The following CNTN4 variants were observed in gnomAD, a reference collection of about 807,000 sequenced individuals.
CNTN4 encodes contactin 4.
Under a neutral mutation model 122.5 loss-of-function variants are expected in CNTN4, and 77 were observed. The ratio of observed to expected loss-of-function variants is 0.63; its 90% CI spans 0.52 to 0.76. The LOEUF is 0.76. Among genes scored for constraint, CNTN4 ranks in the 30% least tolerant of loss-of-function variants. The probability of loss-of-function intolerance (pLI) is 0.00; values close to 1 mark genes in which losing one functional copy is unlikely to be tolerated. For missense variants in CNTN4, 1,256 were observed against 1,259.1 expected (o/e 1.00, Z 0.04); for synonymous variants, 512 against 447.0 (o/e 1.15, Z -1.83).
intron 3 of CNTN4, among the ~76,000 whole-genome samples, chr3:2,564,098 A>G (rs1434988458): frequency 6.6e-6 from 1 of 152,172 alleles, no homozygotes; most frequent in Non-Finnish European, 1.5e-5. Flanking sequence ...CTTAGTACAT[A>G]TGACAAAAAA....
chr3:2,174,777 C>A (rs890108988), intron 2 of CNTN4, among the ~76,000 whole-genome samples: 1 of 152,190 alleles, frequency 6.6e-6, no homozygotes, highest in Non-Finnish European at 1.5e-5. Flanking sequence ...TGCTCAGCTT[C>A]TGGAGAGGCC....
chr3:2,731,961 G>A lies in CNTN4; in HGVS notation c.56-4254G>A, dbSNP rs1183594919. Among the ~76,000 whole-genome samples, 3 of 152,200 alleles carry A rather than the reference G, an allele frequency of 2.0e-5. No homozygotes were observed. The East Asian group carries it at 5.8e-4, about 29-fold the overall frequency. On this transcript the variant is annotated intron_variant, in intron 4 of 24. Coordinates refer to ENST00000418658, the MANE Select transcript of CNTN4 (RefSeq NM_175607.3). ...TAGCTTCTGGAGTTCAACTACAAGT[G>A]TTCTAAGAAAGAGTTAGTTTATGTC...
intron 3 of CNTN4, among the ~76,000 whole-genome samples, chr3:2,557,216 C>G (rs1051228825): frequency 6.6e-6 from 1 of 152,138 alleles, no homozygotes; most frequent in African/African-American, 2.4e-5. Flanking sequence ...GCCTAGACTG[C>G]TAATCCAAGG....
At chr3:2,312,285 T>G (rs2042943156) in intron 2 of CNTN4, among the ~76,000 whole-genome samples, 1 of 152,078 alleles carries the variant, frequency 6.6e-6, no homozygotes, top group South Asian at 2.1e-4. Context: ...TAGGTCTCCT[T>G]TTATTAATGT....
chr3:2,567,383 G>T (rs2079218160), intron 3 of CNTN4, among the ~76,000 whole-genome samples: 1 of 151,940 alleles, frequency 6.6e-6, no homozygotes, highest in South Asian at 2.1e-4. Flanking sequence ...ACCGTGCCTG[G>T]CCTCAAGTCC....
At chr3:3,049,197 C>T (rs956516030) in intron 23 of CNTN4, among the ~76,000 whole-genome samples, 1 of 152,194 alleles carries the variant, frequency 6.6e-6, no homozygotes, top group Non-Finnish European at 1.5e-5. Flanking sequence ...GTTCTCCTGC[C>T]TCAGCCTCCC....
intron 3 of CNTN4, among the ~76,000 whole-genome samples, chr3:2,409,958 C>T (rs922066442): frequency 1.3e-5 from 2 of 152,046 alleles, no homozygotes; most frequent in Non-Finnish European, 2.9e-5. Context: ...GCTGTCACCA[C>T]TAAGAAAAGA....
intron 2 of CNTN4, among the ~76,000 whole-genome samples, chr3:2,147,246 A>G (rs897724241): frequency 2.0e-5 from 3 of 151,956 alleles, no homozygotes; most frequent in Non-Finnish European, 4.4e-5. Context: ...TTTAATTGTT[A>G]TTATTTTTCT....
chr3:3,047,535 C>A (rs13062601), intron 23 of CNTN4, among the ~76,000 whole-genome samples: 34,266 of 142,086 alleles, frequency 0.24, 4,184 homozygotes, highest in Middle Eastern at 0.33. Context: ...CTACTGGGTA[C>A]ATAACGAAAT....
intron 15 of CNTN4, among the ~76,000 whole-genome samples, chr3:3,027,923 A>G (rs1283952827): frequency 6.6e-6 from 1 of 152,196 alleles, no homozygotes; most frequent in Non-Finnish European, 1.5e-5. Context: ...CATATGGAAA[A>G]TGTCTATCTC....
chr3:2,620,965 T>G (rs1036637831), intron 4 of CNTN4, among the ~76,000 whole-genome samples: 1 of 152,294 alleles, frequency 6.6e-6, no homozygotes, highest in Non-Finnish European at 1.5e-5. Flanking sequence ...GACTTGAAAT[T>G]TGGCTCTAGA....
chr3:2,319,497 AG>A (rs2043211352), intron 2 of CNTN4, among the ~76,000 whole-genome samples: 1 of 152,150 alleles, frequency 6.6e-6, no homozygotes, highest in Non-Finnish European at 1.5e-5. Context: ...CAGAGACAGC[AG>A]AACTAATCCC....
intron 3 of CNTN4, among the ~76,000 whole-genome samples, chr3:2,444,748 T>TGGCTGGCTGGCTGGTC (rs1334753695): frequency 6.6e-6 from 1 of 152,066 alleles, no homozygotes; most frequent in Non-Finnish European, 1.5e-5. Context: ...GCTGGCTGGC[T>TGGCTGGCTGGCTGGTC]GGCTGGCTGG....
chr3:2,419,710 G>C (rs1345661257), intron 3 of CNTN4, among the ~76,000 whole-genome samples: 1 of 152,128 alleles, frequency 6.6e-6, no homozygotes, highest in Non-Finnish European at 1.5e-5. Context: ...AGGAAGCAAA[G>C]AATATGTTAA....
intron 4 of CNTN4, among the ~76,000 whole-genome samples, chr3:2,703,887 T>A (rs1417805406): frequency 6.6e-6 from 1 of 151,842 alleles, no homozygotes; most frequent in Non-Finnish European, 1.5e-5. Context: ...AAGATGATAG[T>A]GTAAATATAA....
At chr3:2,849,157 T>C (rs889558539) in intron 7 of CNTN4, among the ~76,000 whole-genome samples, 1 of 152,182 alleles carries the variant, frequency 6.6e-6, no homozygotes, top group Non-Finnish European at 1.5e-5. Context: ...TTCAAGAAAC[T>C]TGATTCTCCT....
Position 2,228,355 on chromosome 3 carries a change from TCCATAAATAA to T in CNTN4, c.-144-110822_-144-110813del, listed in dbSNP as rs563495552. ...ATTATATAGCATTTAAATTTCATTGTCCATAAATAAAACTTTATTGGGACACAGTCTCACT... is the reference window on the plus strand; with the variant it reads ...ATTATATAGCATTTAAATTTCATTGTAACTTTATTGGGACACAGTCTCACT... On this transcript the variant is annotated intron_variant, in intron 2 of 24. Transcript: ENST00000418658. 8.5e-4 allele frequency among the ~76,000 whole-genome samples: 129 copies of T among 152,262 alleles called. 7 individuals carry two copies. In the South Asian group the frequency reaches 0.026, roughly 30 times the overall value.
At chr3:2,257,990 G>A (rs1044210183) in intron 2 of CNTN4, among the ~76,000 whole-genome samples, 3 of 152,152 alleles carry the variant, frequency 2.0e-5, no homozygotes, top group African/African-American at 7.2e-5. Flanking sequence ...TTCAACCCGG[G>A]AGGTGGAAGT....
At chr3:2,866,021 A>G (rs1336228591) in intron 7 of CNTN4, among the ~76,000 whole-genome samples, 1 of 152,128 alleles carries the variant, frequency 6.6e-6, no homozygotes, top group African/African-American at 2.4e-5. Flanking sequence ...GAATCAGTCA[A>G]CTAGTCAGTC....
Sources: allele counts gnomAD v4.1 joint callset (sites outside exome capture counted in the v4.1 genomes callset), GRCh38; gene constraint gnomAD v4.1.1; transcripts MANE v1.5; gene names NCBI Gene and HGNC (gene_info 2026-07-23, HGNC 2026-07-21).